Variants in TACC2 observed in about 807,000 individuals in gnomAD.
The protein encoded by TACC2 is transforming acidic coiled-coil-containing protein 2.
TACC2 carries 137 observed loss-of-function variants against 227.3 expected under a neutral mutation model. The observed-to-expected ratio is 0.60, with a 90% CI of 0.52 to 0.69. The LOEUF is 0.69. Among genes scored for constraint, TACC2 ranks in the 30% least tolerant of loss-of-function variants. The probability of loss-of-function intolerance (pLI) is 0.00; values close to 1 mark genes in which losing one functional copy is unlikely to be tolerated. For synonymous variants in TACC2, 1,523 were observed against 1,487.5 expected (o/e 1.02, Z -0.55); for missense variants, 3,470 against 3,694.4 (o/e 0.94, Z 1.57).
intron 5 of TACC2, among the ~76,000 whole-genome samples, chr10:122,120,955 G>C (rs1420593901): frequency 6.6e-6 from 1 of 152,088 alleles, no homozygotes; most frequent in Non-Finnish European, 1.5e-5. Context: ...TGGTACAGAG[G>C]GGGTTTCGCC....
chr10:122,084,125 G>A lies in TACC2; in HGVS notation c.1625G>A (p.Ser542Asn), dbSNP rs1360885642. The change falls in exon 4 of 23, where the codon AGT becomes AAT. Residue 542 changes from serine (S) to asparagine (N), a missense_variant. By Grantham distance (46) the Ser-to-Asn change is conservative. Coordinates refer to ENST00000369005, the MANE Select transcript of TACC2 (RefSeq NM_206862.4). Reference protein sequence around the residue: ...PPPLPKAPSESARGPPGPTDG... With the variant: ...PPPLPKAPSENARGPPGPTDG... ...CCTCTTCCCAAGGCACCAAGTGAAAGTGCCAGAGGGCCACCGGGGCCAACG... is the reference window on the plus strand; with the variant it reads ...CCTCTTCCCAAGGCACCAAGTGAAAATGCCAGAGGGCCACCGGGGCCAACG... 2 of 1,613,962 alleles carry A rather than the reference G, an allele frequency of 1.2e-6. No homozygotes were observed. Among genetic ancestry groups the A allele is most frequent in the South Asian group, 1.1e-5 (1 of 91,082 alleles).
chr10:122,191,269 C>T (rs553891269), intron 7 of TACC2, among the ~76,000 whole-genome samples: 21 of 152,296 alleles, frequency 1.4e-4, no homozygotes, highest in Admixed American at 2.6e-4. Context: ...GTGTGCACCA[C>T]GATACCTGGC....
At chr10:122,224,481 C>A (rs1330214092) in intron 11 of TACC2, among the ~76,000 whole-genome samples, 1 of 152,196 alleles carries the variant, frequency 6.6e-6, no homozygotes, top group African/African-American at 2.4e-5. Context: ...TTCCTCAGGA[C>A]TTTCTCAGCC....
At position 122,086,563 on chromosome 10, in the gene TACC2, G is replaced by T. The variant is rs1314623696; in HGVS notation, c.4063G>T (p.Ala1355Ser). 3.7e-6 allele frequency: 6 copies of T among 1,603,684 alleles called. No homozygotes were observed. Among genetic ancestry groups the T allele is most frequent in the Non-Finnish European group, 5.1e-6 (6 of 1,174,920 alleles). Residue 1355 changes from alanine to serine, a missense_variant, in exon 4 of 23, where the codon GCC (alanine) becomes TCC (serine). By Grantham distance (99) the Ala-to-Ser change is moderately conservative (BLOSUM62 1). This residue lies in a region of TACC2 where 1,924 missense variants were observed against 1,978.3 expected (regional missense o/e 0.97). Coordinates refer to ENST00000369005, the MANE Select transcript of TACC2 (RefSeq NM_206862.4). ...AGCAGCAACAGCTCCAGGTGCAGGT[G>T]CCAAGGCCAGTGGGGAGGGCATGGC... ...EKAATAPGAGAKASGEGMAGD... is the reference protein window; with the variant it reads ...EKAATAPGAGSKASGEGMAGD...
chr10:122,059,002 C>G (rs1161103220), intron 3 of TACC2, among the ~76,000 whole-genome samples: 3 of 151,440 alleles, frequency 2.0e-5, no homozygotes, highest in African/African-American at 7.3e-5. Flanking sequence ...AAGCCATTCT[C>G]CTGCCTCAGC....
At chr10:122,176,111 CTCTCTCTATATA>C (rs758526167) in intron 7 of TACC2, among the ~76,000 whole-genome samples, 1,077 of 62,090 alleles carry the variant, frequency 0.017, 8 homozygotes, top group African/African-American at 0.064. Context: ...CTCTCTCTCT[CTCTCTCTATATA>C]TATATATATA....
Position 122,181,395 on chromosome 10 carries a change from A to G in TACC2, c.5835-13645A>G, listed in dbSNP as rs529218872. On this transcript the variant is annotated intron_variant, in intron 7 of 22. Transcript: ENST00000369005. ...TTTATTGTGTTAAGGTGAAAGATGC[A>G]ATAATTTTGGTGGTAGAATTTTAAC... is the stretch of plus-strand genomic sequence containing the variant. Among the ~76,000 whole-genome samples, 4 of 152,298 alleles carry G rather than the reference A, an allele frequency of 2.6e-5. No homozygotes were observed. In the South Asian group the frequency reaches 6.2e-4, roughly 24 times the overall value.
chr10:122,158,085 A>G (rs1430739480), intron 7 of TACC2, among the ~76,000 whole-genome samples: 2 of 152,170 alleles, frequency 1.3e-5, no homozygotes, highest in Non-Finnish European at 2.9e-5. Context: ...TTTGAAAATA[A>G]AAGTGAGTCT....
chr10:122,011,075 C>T (rs1955858594), intron 1 of TACC2, among the ~76,000 whole-genome samples: 1 of 152,182 alleles, frequency 6.6e-6, no homozygotes, highest in Non-Finnish European at 1.5e-5. Flanking sequence ...AGGCCTGTGG[C>T]CCAATCTAAG....
intron 3 of TACC2, among the ~76,000 whole-genome samples, chr10:122,077,447 A>T (rs1565223158): frequency 6.6e-6 from 1 of 152,198 alleles, no homozygotes; most frequent in Non-Finnish European, 1.5e-5. Context: ...AGCCCAGGCC[A>T]GGGAGGCTAC....
At chr10:122,028,313 C>T (rs2135708544) in intron 2 of TACC2, among the ~76,000 whole-genome samples, 1 of 151,610 alleles carries the variant, frequency 6.6e-6, no homozygotes, top group Non-Finnish European at 1.5e-5. Context: ...TGGTCTCAAA[C>T]TCCTGACCTC....
In TACC2 at chr10:122,083,190, T is replaced by C. The variant is rs747068095; in HGVS notation, c.690T>C (p.Ala230=). ...GTTTTGAGTCCCAAGAGAAAGAGGC[T>C]GCAGGTGGCTTTCCCCCTGCAGAGT... ...PGGFESQEKE[A]AGGFPPAESR... The change falls in exon 4 of 23, where the codon GCT becomes GCC. Residue 230 remains alanine, a synonymous_variant. Transcript: ENST00000369005. 2 of 1,613,410 alleles carry C rather than the reference T, an allele frequency of 1.2e-6. No homozygotes were observed. Among genetic ancestry groups the C allele is most frequent in the Non-Finnish European group, 1.7e-6 (2 of 1,180,018 alleles).
intron 7 of TACC2, among the ~76,000 whole-genome samples, chr10:122,152,999 C>CTTTCTTTTTTTTTTTTTTTTTTTTT (rs71026005): frequency 7.4e-6 from 1 of 135,034 alleles, no homozygotes; most frequent in Non-Finnish European, 1.6e-5. Flanking sequence ...TTCTTTCTTT[C>CTTTCTTTTTTTTTTTTTTTTTTTTT]TTTTTTTTTT....
chr10:122,195,140 C>T lies in TACC2; in HGVS notation c.5935C>T (p.Pro1979Ser). ...ACCACCCCCCGAAGTCATCCCAGAA[C>T]CCGAGGTCAGCACACAGCCACCCCC... The part of the protein sequence containing the change: ...PPPPPEVIPE[P>S]EVSTQPPPEE... Residue 1979 changes from proline (P) to serine (S), a missense_variant, in exon 8 of 23, where the codon CCC becomes TCC. This residue lies in a region of TACC2 where 593 missense variants were observed against 636.6 expected (regional missense o/e 0.93). Transcript: ENST00000369005. 1 of 1,538,186 alleles carries T rather than the reference C, an allele frequency of 6.5e-7. No homozygotes were observed. The highest frequency in any genetic ancestry group is 8.8e-7 in the Non-Finnish European group (1 of 1,134,794).
At chr10:122,093,389 T>C (rs2081044520) in intron 5 of TACC2, among the ~76,000 whole-genome samples, 1 of 152,206 alleles carries the variant, frequency 6.6e-6, no homozygotes. Flanking sequence ...CTCCACTCCG[T>C]TCTAAAATTA....
intron 5 of TACC2, among the ~76,000 whole-genome samples, chr10:122,093,979 C>T (rs770090562): frequency 2.0e-5 from 3 of 152,200 alleles, no homozygotes; most frequent in Non-Finnish European, 2.9e-5. Context: ...AGCCCTTCCA[C>T]GTCTCTGAGC....
rs368410259 is a variant in TACC2, at chr10:122,084,046, C to T, written c.1546C>T (p.Pro516Ser). ...TGAGGTCCAACCAGGAGTACCACCC[C>T]CTCCTCTTCCCAAGGAGCAAAGCCA... is the stretch of plus-strand genomic sequence containing the variant. ...SHEVQPGVPP[P>S]PLPKEQSHEV... The change falls in exon 4 of 23, where the codon CCT becomes TCT. Residue 516 changes from proline to serine, a missense_variant. Coordinates refer to ENST00000369005, the MANE Select transcript of TACC2 (RefSeq NM_206862.4). 13 of 1,613,752 alleles carry T rather than the reference C, an allele frequency of 8.1e-6. No homozygotes were observed. The African/African-American group carries it at 1.5e-4, about 18-fold the overall frequency.
At chr10:122,012,418 C>CAAAAAAAAAAAAAAAAAAAAAAAA (rs752342348) in intron 1 of TACC2, among the ~76,000 whole-genome samples, 7 of 60,724 alleles carry the variant, frequency 1.2e-4, no homozygotes, top group Admixed American at 2.0e-4. Flanking sequence ...GACTCCGTCT[C>CAAAAAAAAAAAAAAAAAAAAAAAA]AAAAAAAAAA....
intron 2 of TACC2, among the ~76,000 whole-genome samples, chr10:122,028,936 GCCTTC>G (rs1169509784): frequency 8.0e-4 from 1 of 1,246 alleles, no homozygotes; most frequent in Non-Finnish European, 1.1e-3. Flanking sequence ...CCCTCCCCTC[GCCTTC>G]CCTTCCCTTC....
Sources: allele counts gnomAD v4.1 joint callset (sites outside exome capture counted in the v4.1 genomes callset), GRCh38; gene constraint gnomAD v4.1.1; regional missense constraint gnomAD v4.1.1; transcripts MANE v1.5; gene names NCBI Gene and HGNC (gene_info 2026-07-23, HGNC 2026-07-21).